SKAP2: variants seen among roughly 807,000 people sequenced by gnomAD.
The protein encoded by SKAP2 is src kinase-associated phosphoprotein 2.
In SKAP2, 28 loss-of-function variants were observed where a neutral mutation model predicts 54.9. The observed-to-expected ratio is 0.51, with a 90% CI of 0.38 to 0.70. SKAP2 has a LOEUF of 0.70. Among genes scored for constraint, SKAP2 ranks in the 30% least tolerant of loss-of-function variants. The probability of loss-of-function intolerance (pLI) is 0.00; values close to 1 mark genes in which losing one functional copy is unlikely to be tolerated. For synonymous variants in SKAP2, 137 were observed against 134.3 expected (o/e 1.02, Z -0.14); for missense variants, 356 against 424.1 (o/e 0.84, Z 1.41).
chr7:26,821,484 T>C (rs1436355770), intron 4 of SKAP2, among the ~76,000 whole-genome samples: 4 of 152,178 alleles, frequency 2.6e-5, no homozygotes, highest in African/African-American at 7.2e-5. Flanking sequence ...AGAAAATGTC[T>C]CTATTCTAAA....
At chr7:26,688,880 A>G (rs1786710520) in intron 10 of SKAP2, among the ~76,000 whole-genome samples, 1 of 152,140 alleles carries the variant, frequency 6.6e-6, no homozygotes, top group Non-Finnish European at 1.5e-5. Context: ...AAAACTACAT[A>G]TTTTTGGCAG....
chr7:26,676,228 C>A (rs1786346676), intron 11 of SKAP2, among the ~76,000 whole-genome samples: 1 of 152,080 alleles, frequency 6.6e-6, no homozygotes, highest in South Asian at 2.1e-4. Context: ...CCAATACCTG[C>A]CACTTATGCA....
intron 10 of SKAP2, among the ~76,000 whole-genome samples, chr7:26,689,854 C>T (rs1332619582): frequency 6.6e-6 from 1 of 152,136 alleles, no homozygotes; most frequent in Non-Finnish European, 1.5e-5. Context: ...CCCTGTTAGT[C>T]TCTGAATGGC....
rs567464607 is a variant in SKAP2 at position 26,774,482 on chromosome 7, G to A, written c.308-34518C>T. ...ACTGAAATGCGAAGTGTCAGTGGAA[G>A]AAAGAACAAGATCAAGTTGTGTGTG... On this transcript the variant is annotated intron_variant, in intron 4 of 12. Transcript: ENST00000345317. 2.0e-5 allele frequency among the ~76,000 whole-genome samples: 3 copies of A among 150,594 alleles called. No individual in the cohort carries two copies. In the South Asian group the frequency reaches 6.3e-4, roughly 32 times the overall value.
chr7:26,807,955 A>G (rs1194263736), intron 4 of SKAP2, among the ~76,000 whole-genome samples: 1 of 152,262 alleles, frequency 6.6e-6, no homozygotes, highest in Admixed American at 6.5e-5. Flanking sequence ...CACTTAATAG[A>G]CTACAGTATA....
chr7:26,673,799 C>A (rs1044444085), intron 11 of SKAP2, among the ~76,000 whole-genome samples: 1 of 151,902 alleles, frequency 6.6e-6, no homozygotes, highest in African/African-American at 2.4e-5. Flanking sequence ...ATTTTAGTCC[C>A]CAATTAATAT....
chr7:26,794,912 T>C (rs1344795022), intron 4 of SKAP2, among the ~76,000 whole-genome samples: 1 of 152,216 alleles, frequency 6.6e-6, no homozygotes, highest in Non-Finnish European at 1.5e-5. Flanking sequence ...CCTGTACGTA[T>C]ATAAGTTCCT....
At chr7:26,787,769 G>T (rs1052527113) in intron 4 of SKAP2, among the ~76,000 whole-genome samples, 3 of 152,144 alleles carry the variant, frequency 2.0e-5, no homozygotes, top group Admixed American at 2.0e-4. Context: ...GCATACTATT[G>T]CAGGGACAGC....
At chr7:26,724,329 T>A (rs1280875551) in intron 9 of SKAP2, among the ~76,000 whole-genome samples, 2 of 152,166 alleles carry the variant, frequency 1.3e-5, no homozygotes, top group Non-Finnish European at 2.9e-5. Flanking sequence ...AAGCCTTCCA[T>A]AAATCACTTC....
downstream of SKAP2, among the ~76,000 whole-genome samples, chr7:26,664,458 C>T (rs963884320): frequency 6.6e-6 from 1 of 151,956 alleles, no homozygotes; most frequent in East Asian, 1.9e-4. Flanking sequence ...TGAGAATCTG[C>T]TTATTTGTTG....
At chr7:26,838,170 A>T (rs930686085) in intron 4 of SKAP2, among the ~76,000 whole-genome samples, 1 of 152,070 alleles carries the variant, frequency 6.6e-6, no homozygotes, top group Non-Finnish European at 1.5e-5. Flanking sequence ...ATATCCCTCA[A>T]ATCTGCATCC....
At chr7:26,692,501 C>G (rs1326192576) in intron 9 of SKAP2, among the ~76,000 whole-genome samples, 1 of 152,160 alleles carries the variant, frequency 6.6e-6, no homozygotes, top group Non-Finnish European at 1.5e-5. Flanking sequence ...GCTGTACTTA[C>G]ACGACAAATA....
At chr7:26,729,986 C>T (rs1584355900) in intron 6 of SKAP2, among the ~76,000 whole-genome samples, 1 of 152,216 alleles carries the variant, frequency 6.6e-6, no homozygotes, top group East Asian at 1.9e-4. Flanking sequence ...TATAAACATC[C>T]AAGTCGGGTA....
At chr7:26,712,063 T>C (rs1787321751) in intron 9 of SKAP2, among the ~76,000 whole-genome samples, 1 of 152,112 alleles carries the variant, frequency 6.6e-6, no homozygotes, top group Non-Finnish European at 1.5e-5. Context: ...TTGATACCGT[T>C]AGTAGAAATA....
At chr7:26,752,477 A>C (rs1782707497) in intron 4 of SKAP2, among the ~76,000 whole-genome samples, 1 of 152,188 alleles carries the variant, frequency 6.6e-6, no homozygotes, top group South Asian at 2.1e-4. Context: ...GTATACAGCT[A>C]ACTCCCAAAA....
At chr7:26,861,658 T>TTTATA (rs1785274635) in intron 1 of SKAP2, among the ~76,000 whole-genome samples, 1 of 150,460 alleles carries the variant, frequency 6.6e-6, no homozygotes, top group Non-Finnish European at 1.5e-5. Flanking sequence ...TGGAATGGTT[T>TTTATA]TTATAGGGGA....
chr7:26,686,574 A>C (rs1257502208), intron 10 of SKAP2, among the ~76,000 whole-genome samples: 1 of 152,236 alleles, frequency 6.6e-6, no homozygotes, highest in Non-Finnish European at 1.5e-5. Flanking sequence ...TGGCCAGATC[A>C]CTTCAAACAT....
chr7:26,795,944 A>G (rs184183272), intron 4 of SKAP2, among the ~76,000 whole-genome samples: 176 of 152,290 alleles, frequency 1.2e-3, no homozygotes, highest in Admixed American at 3.5e-3. Context: ...TTTTTTCAAC[A>G]AATATATTGG....
chr7:26,774,848 C>T (rs551753035), intron 4 of SKAP2, among the ~76,000 whole-genome samples: 1 of 152,204 alleles, frequency 6.6e-6, no homozygotes, highest in East Asian at 1.9e-4. Context: ...CAGACTACAA[C>T]TGCAATAAAA....
Sources: gnomAD v4.1 joint callset for allele counts (sites outside exome capture counted in the v4.1 genomes callset) on GRCh38, gnomAD v4.1.1 for gene constraint, MANE v1.5 for transcripts, NCBI Gene and HGNC (gene_info 2026-07-23, HGNC 2026-07-21) for gene names.